The following KIF25 variants were observed in gnomAD, a reference collection of about 807,000 sequenced individuals.
KIF25 encodes kinesin family member 25.
Under a neutral mutation model 32.9 loss-of-function variants are expected in KIF25, and 19 were observed. The observed-to-expected ratio is 0.58, with a 90% confidence interval of 0.40 to 0.85. The LOEUF (loss-of-function observed/expected upper bound fraction) is 0.85, where lower values mean the gene tolerates loss of function less well. KIF25 is among the 40% of genes least tolerant of loss of function. KIF25 has a pLI of 0.00. For synonymous variants in KIF25, 225 were observed against 213.7 expected, an observed-to-expected ratio of 1.05 and a Z score of -0.46; for missense variants, 485 against 507.0, an observed-to-expected ratio of 0.96 and a Z score of 0.42.
intron 7 of KIF25, 40 bp downstream of exon 7, chr6:168,030,887 A>G (rs781369846): frequency 6.9e-7 from 1 of 1,459,458 alleles, no homozygotes; most frequent in Non-Finnish European, 9.6e-7. Context: ...TCATAGTTAC[A>G]TTTGAATATA....
Position 168,029,483 on chromosome 6 carries a change from C to T in KIF25, c.-94-9C>T. 6.6e-7 allele frequency: 1 copy of T among 1,522,462 alleles called. No individual in the cohort carries two copies. Among genetic ancestry groups the T allele is most frequent in the Non-Finnish European group, 8.8e-7 (1 of 1,134,614 alleles). The allele number at this position is 1,522,462 out of a possible 1,614,324, so 94.3% of individuals were successfully genotyped here. On this transcript the variant is annotated splice_polypyrimidine_tract_variant and intron_variant, in intron 5 of 12. Transcript: ENST00000643607. ...TACTGTTACGTTTTCAAGTCATGAT[C>T]CTTTACAGATATACTGGCCTTCCCA...
intron 9 of KIF25, among the ~76,000 whole-genome samples, chr6:168,039,833 C>T (rs1389487655): frequency 6.6e-6 from 1 of 152,176 alleles, no homozygotes; most frequent in African/African-American, 2.4e-5. Flanking sequence ...TGATTTTGTT[C>T]TGAAACAGTC....
chr6:168,007,884 A>T (rs1226538529), intron 4 of KIF25, among the ~76,000 whole-genome samples: 3 of 152,212 alleles, frequency 2.0e-5, no homozygotes, highest in African/African-American at 7.2e-5. Context: ...CTTAGTTGAT[A>T]AAGAAGCATC....
At chr6:168,042,421 A>T in intron 11 of KIF25, 140 bp from the exon 12 acceptor site, 1 of 1,133,322 alleles carries the variant, frequency 8.8e-7, no homozygotes, top group Non-Finnish European at 1.3e-6. Context: ...AGAGCCATGA[A>T]AGACACTCAC....
rs760468651 is a variant in KIF25 at position 168,040,256 on chromosome 6, A to G, written c.646+40A>G. ...GTGCTTGGTCAGTGGCAAGTAATAG[A>G]AAAACCCACTTAAGAAGAAAAAAAT... On this transcript the variant is annotated intron_variant, in intron 10 of 12. Coordinates refer to ENST00000643607, the MANE Select transcript of KIF25 (RefSeq NM_030615.4). 32 of 1,576,892 alleles carry G rather than the reference A, an allele frequency of 2.0e-5. 1 individual carries two copies. The Admixed American group carries it at 5.6e-4, about 28-fold the overall frequency.
intron 5 of KIF25, among the ~76,000 whole-genome samples, chr6:168,025,131 G>C (rs1798842053): frequency 6.6e-6 from 1 of 152,204 alleles, no homozygotes; most frequent in South Asian, 2.1e-4. Context: ...AAGAGGCCTT[G>C]AGCCTGGACT....
At chr6:168,037,811 G>T (rs1269812944) in intron 8 of KIF25, among the ~76,000 whole-genome samples, 1 of 152,144 alleles carries the variant, frequency 6.6e-6, no homozygotes, top group Non-Finnish European at 1.5e-5. Flanking sequence ...CACCTCCCAG[G>T]TTCAAGCGAT....
Position 168,016,194 on chromosome 6 carries a change from C to T in KIF25, c.-162-1779C>T, listed in dbSNP as rs375284599. On this transcript the variant is annotated intron_variant, in intron 4 of 12. Transcript: ENST00000643607. ...CCAGGGGCTTGGTCCTGGCGGGTGTCGGAGTTTTGCTTCGGTGTTTTGAGC... is the reference window on the plus strand; with the variant it reads ...CCAGGGGCTTGGTCCTGGCGGGTGTTGGAGTTTTGCTTCGGTGTTTTGAGC... Among the ~76,000 whole-genome samples, 13 of 152,220 alleles carry T rather than the reference C, an allele frequency of 8.5e-5. No individual in the cohort carries two copies. The East Asian group carries it at 1.2e-3, about 14-fold the overall frequency.
At chr6:168,000,913 C>T (rs1798492416) in intron 2 of KIF25, among the ~76,000 whole-genome samples, 1 of 152,246 alleles carries the variant, frequency 6.6e-6, no homozygotes, top group Non-Finnish European at 1.5e-5. Context: ...TGTTTGCATC[C>T]TGCAGTTTAG....
intron 4 of KIF25, among the ~76,000 whole-genome samples, chr6:168,016,882 G>C (rs1414772434): frequency 6.6e-6 from 1 of 152,260 alleles, no homozygotes; most frequent in Non-Finnish European, 1.5e-5. Flanking sequence ...CCGAGGCTCT[G>C]TCCCCAGGCA....
At chr6:168,011,672 C>G (rs1011792118) in intron 4 of KIF25, among the ~76,000 whole-genome samples, 1 of 152,154 alleles carries the variant, frequency 6.6e-6, no homozygotes, top group Admixed American at 6.5e-5. Context: ...TTGGAGAGGA[C>G]CTGCCTGGGG....
At chr6:168,004,305 C>T (rs73788671) in intron 4 of KIF25, among the ~76,000 whole-genome samples, 3,480 of 152,252 alleles carry the variant, frequency 0.023, 138 homozygotes, top group African/African-American at 0.079. Flanking sequence ...ATGGAGCCCA[C>T]GGCAGGCACT....
At chr6:168,037,467 G>T (rs1053671771) in intron 8 of KIF25, among the ~76,000 whole-genome samples, 1 of 152,158 alleles carries the variant, frequency 6.6e-6, no homozygotes, top group African/African-American at 2.4e-5. Flanking sequence ...ACATCACCAT[G>T]CAGGTGGTAG....
chr6:168,014,739 G>T (rs1286347783), intron 4 of KIF25, among the ~76,000 whole-genome samples: 1 of 152,194 alleles, frequency 6.6e-6, no homozygotes, highest in Non-Finnish European at 1.5e-5. Flanking sequence ...GGAGAATCTG[G>T]CTGCTGCCCT....
At chr6:168,039,935 A>G (rs1436188380) in intron 9 of KIF25, 130 bp from the exon 10 acceptor site, 1 of 1,144,724 alleles carries the variant, frequency 8.7e-7, no homozygotes, top group African/African-American at 1.6e-5. Context: ...TGTGCCTGAG[A>G]CTGGCTTCAG....
intron 6 of KIF25, 168 bp from the exon 7 acceptor site, chr6:168,030,605 C>T (rs2114899275): frequency 3.9e-6 from 2 of 509,100 alleles, no homozygotes; most frequent in South Asian, 2.9e-5. Context: ...CTTTATTAAC[C>T]TCTGTTATCT....
At chr6:168,022,538 A>C (rs1312847282) in intron 5 of KIF25, among the ~76,000 whole-genome samples, 1 of 152,018 alleles carries the variant, frequency 6.6e-6, no homozygotes, top group Non-Finnish European at 1.5e-5. Flanking sequence ...TGATTGTCCC[A>C]CCTCAGCCTC....
rs1176771050 is a variant in KIF25, at chr6:168,042,918, C to T, written c.985+202C>T. 3.9e-5 allele frequency among the ~76,000 whole-genome samples: 6 copies of T among 152,288 alleles called. 1 individual carries two copies. The highest frequency in any genetic ancestry group is 1.9e-4 in the East Asian group (1 of 5,158). Reference sequence around the variant, plus strand: ...ACCTTGGCCTGATTGTGTGCTTGTTCGGTCTGTGTGTGACTTGCCTCCTGG... The same window carrying T: ...ACCTTGGCCTGATTGTGTGCTTGTTTGGTCTGTGTGTGACTTGCCTCCTGG... On this transcript the variant is annotated intron_variant, in intron 12 of 12. Coordinates refer to ENST00000643607, the MANE Select transcript of KIF25 (RefSeq NM_030615.4).
At chr6:168,036,231 C>T (rs1799023742) in intron 8 of KIF25, 3 of 159,712 alleles carry the variant, frequency 1.9e-5, no homozygotes, top group Admixed American at 1.8e-4. Flanking sequence ...CCGCTGTCAT[C>T]CTTATCAACA....
Sources: allele counts gnomAD v4.1 joint callset (sites outside exome capture counted in the v4.1 genomes callset), GRCh38; gene constraint gnomAD v4.1.1; transcripts MANE v1.5; gene names NCBI Gene and HGNC (gene_info 2026-07-23, HGNC 2026-07-21).